NRXN3: variants seen among roughly 807,000 people sequenced by gnomAD.
The protein encoded by NRXN3 is neurexin III.
Under a neutral mutation model 137.6 loss-of-function variants are expected in NRXN3, and 32 were observed. The ratio of observed to expected loss-of-function variants is 0.23; its 90% confidence interval spans 0.18 to 0.31. The LOEUF is 0.31. Among genes scored for constraint, NRXN3 ranks in the 10% least tolerant of loss-of-function variants. NRXN3 has a pLI of 1.00. For synonymous variants in NRXN3, 798 were observed against 784.5 expected (o/e 1.02, Z -0.29); for missense variants, 1,574 against 2,062.5 (o/e 0.76, Z 4.59).
chr14:79,358,438 G>C (rs1215133856), intron 15 of NRXN3, among the ~76,000 whole-genome samples: 1 of 151,562 alleles, frequency 6.6e-6, no homozygotes, highest in Non-Finnish European at 1.5e-5. Flanking sequence ...GCCAGGCATG[G>C]TGGCGGGCGC....
intron 16 of NRXN3, among the ~76,000 whole-genome samples, chr14:79,575,937 ATT>A (rs1004077239): frequency 6.6e-6 from 1 of 152,126 alleles, no homozygotes; most frequent in Non-Finnish European, 1.5e-5. Flanking sequence ...AAGTTATGCT[ATT>A]TTTTTAAGTT....
intron 5 of NRXN3, among the ~76,000 whole-genome samples, chr14:78,650,453 C>A (rs2097729982): frequency 1.3e-5 from 2 of 151,962 alleles, no homozygotes; most frequent in Non-Finnish European, 2.9e-5. Context: ...TATTCCTCAT[C>A]ATTCATTTTA....
At position 78,965,873 on chromosome 14, in the gene NRXN3, A is replaced by G. The variant is rs2099416494; in HGVS notation, c.2396-152A>G. The stretch of plus-strand genomic sequence containing the variant: ...ATGCCTGATTGAGGCCAAGTAAGGT[A>G]TCTACCATATTGAATATTTGGTTTT... On this transcript the variant is annotated intron_variant, in intron 11 of 20. Coordinates refer to ENST00000335750, the MANE Select transcript of NRXN3 (RefSeq NM_001330195.2). 4 of 806,260 alleles carry G rather than the reference A, an allele frequency of 5.0e-6. No individual in the cohort carries two copies. The East Asian group carries it at 1.0e-4, about 20-fold the overall frequency. 49.9% of individuals were successfully genotyped at this position (806,260 alleles called of 1,614,324 possible).
chr14:79,101,124 T>G (rs987187524), intron 15 of NRXN3, among the ~76,000 whole-genome samples: 1 of 152,200 alleles, frequency 6.6e-6, no homozygotes, highest in African/African-American at 2.4e-5. Context: ...TAACTGGCTG[T>G]TTCCCATTCC....
At chr14:78,628,896 A>G (rs1566928216) in intron 4 of NRXN3, among the ~76,000 whole-genome samples, 1 of 152,296 alleles carries the variant, frequency 6.6e-6, no homozygotes, top group African/African-American at 2.4e-5. Context: ...GGTAGGAGAA[A>G]CAAGAAGGTT....
intron 19 of NRXN3, among the ~76,000 whole-genome samples, chr14:79,751,138 T>C (rs1044944052): frequency 1.3e-5 from 2 of 152,162 alleles, no homozygotes; most frequent in Non-Finnish European, 2.9e-5. Context: ...GGGGATGGCA[T>C]TGAATCTGTA....
Position 79,395,337 on chromosome 14 carries a change from C to T in NRXN3, c.3263-71884C>T, listed in dbSNP as rs1314571539. 2.0e-5 allele frequency among the ~76,000 whole-genome samples: 3 copies of T among 152,146 alleles called. No homozygotes were observed. The East Asian group carries it at 5.8e-4, about 29-fold the overall frequency. On this transcript the variant is annotated intron_variant, in intron 15 of 20. Transcript: ENST00000335750. ...AAAATATTTATGAACTTCTGCCTTGCTTGGTATGTAAGGCATTTGATTCCA... is the reference window on the plus strand; with the variant it reads ...AAAATATTTATGAACTTCTGCCTTGTTTGGTATGTAAGGCATTTGATTCCA...
intron 15 of NRXN3, among the ~76,000 whole-genome samples, chr14:79,336,832 A>G (rs974939038): frequency 6.6e-6 from 1 of 152,158 alleles, no homozygotes; most frequent in Non-Finnish European, 1.5e-5. Flanking sequence ...TGGTAGCTGG[A>G]TTATGAACAA....
At chr14:79,662,683 G>A (rs1206597544) in intron 16 of NRXN3, among the ~76,000 whole-genome samples, 1 of 152,042 alleles carries the variant, frequency 6.6e-6, no homozygotes, top group African/African-American at 2.4e-5. Context: ...CTGCTTCTGG[G>A]GAGCCCTCAG....
chr14:79,420,944 T>G (rs1274158361), intron 15 of NRXN3, among the ~76,000 whole-genome samples: 3 of 152,124 alleles, frequency 2.0e-5, no homozygotes, highest in Non-Finnish European at 2.9e-5. Context: ...GAGTGCCTCT[T>G]CTGGGCTGAG....
intron 6 of NRXN3, among the ~76,000 whole-genome samples, chr14:78,678,317 T>C (rs1167431264): frequency 1.3e-5 from 2 of 151,166 alleles, no homozygotes; most frequent in East Asian, 3.9e-4. Flanking sequence ...TCATGCTCCA[T>C]ACTTTTTTTT....
In NRXN3 at chr14:79,021,554, A is replaced by G. The variant is rs1329426993; in HGVS notation, c.3262+33413A>G. On this transcript the variant is annotated intron_variant, in intron 15 of 20. Transcript: ENST00000335750. Reference sequence around the variant, plus strand: ...GAGTGCCAGGCACTTCAGGGGATCTATGGATGAGTGTGATTCAGCCCTGCT... The same window carrying G: ...GAGTGCCAGGCACTTCAGGGGATCTGTGGATGAGTGTGATTCAGCCCTGCT... Among the ~76,000 whole-genome samples the G allele has an allele frequency of 2.6e-5, 4 of 152,178 alleles. No individual in the cohort carries two copies. In the East Asian group the frequency reaches 7.7e-4, roughly 29 times the overall value.
intron 15 of NRXN3, among the ~76,000 whole-genome samples, chr14:78,996,564 CT>C (rs1394858051): frequency 6.6e-6 from 1 of 152,086 alleles, no homozygotes; most frequent in Non-Finnish European, 1.5e-5. Context: ...CTGTGTTATT[CT>C]TTTGGGGGGG....
intron 15 of NRXN3, among the ~76,000 whole-genome samples, chr14:79,243,079 C>T (rs546206402): frequency 6.6e-6 from 1 of 152,218 alleles, no homozygotes; most frequent in South Asian, 2.1e-4. Context: ...TCCTGTATTT[C>T]AGATGAACAA....
At chr14:79,736,290 T>A (rs1398519716) in intron 19 of NRXN3, among the ~76,000 whole-genome samples, 2 of 152,010 alleles carry the variant, frequency 1.3e-5, no homozygotes, top group African/African-American at 4.8e-5. Context: ...TAAGGGTGAG[T>A]TTCCAGACCA....
chr14:79,262,176 G>T (rs933492334), intron 15 of NRXN3, among the ~76,000 whole-genome samples: 1 of 152,020 alleles, frequency 6.6e-6, no homozygotes, highest in African/African-American at 2.4e-5. Flanking sequence ...CATTCTCTTG[G>T]GCCCCTCCTG....
At chr14:79,728,861 G>A (rs999295767) in intron 19 of NRXN3, among the ~76,000 whole-genome samples, 5 of 152,188 alleles carry the variant, frequency 3.3e-5, no homozygotes, top group African/African-American at 1.2e-4. Context: ...TCATCGGAAA[G>A]GGAAAGGGAG....
At chr14:78,711,434 C>CT (rs35251417) in intron 7 of NRXN3, among the ~76,000 whole-genome samples, 112 of 99,026 alleles carry the variant, frequency 1.1e-3, no homozygotes, top group Middle Eastern at 5.1e-3. Flanking sequence ...ATTCTTTTCT[C>CT]TTTTTTTTTT....
chr14:79,147,641 C>G (rs1172542460), intron 15 of NRXN3, among the ~76,000 whole-genome samples: 1 of 152,070 alleles, frequency 6.6e-6, no homozygotes, highest in African/African-American at 2.4e-5. Flanking sequence ...CCAACTTTGT[C>G]CAGAAGCCTT....
Sources: gnomAD v4.1 joint callset for allele counts (sites outside exome capture counted in the v4.1 genomes callset) on GRCh38, gnomAD v4.1.1 for gene constraint, MANE v1.5 for transcripts, NCBI Gene and HGNC (gene_info 2026-07-23, HGNC 2026-07-21) for gene names.